SULT1B1: variants seen among roughly 807,000 people sequenced by gnomAD.
The protein encoded by SULT1B1 is sulfotransferase family 1B member 1, also known as sulfotransferase 1B1.
SULT1B1 carries 28 observed loss-of-function variants against 34.6 expected under a neutral mutation model. The observed-to-expected ratio is 0.81, with a 90% CI of 0.60 to 1.11. The LOEUF (loss-of-function observed/expected upper bound fraction) is 1.11, where lower values mean the gene tolerates loss of function less well. Ranked by LOEUF, SULT1B1 falls within the 50% of genes least tolerant of loss-of-function variation. The pLI, the probability that SULT1B1 is intolerant of heterozygous loss-of-function variation, is 0.00. For missense variants in SULT1B1, 374 were observed against 352.2 expected (o/e 1.06, Z -0.50); for synonymous variants, 147 against 110.2 (o/e 1.33, Z -2.09).
chr4:69,746,592 C>G (rs1042672379), intron 4 of SULT1B1, among the ~76,000 whole-genome samples: 5 of 152,046 alleles, frequency 3.3e-5, no homozygotes, highest in Admixed American at 1.3e-4. Context: ...TGTTTTCTTT[C>G]TGCTCTTTAT....
In SULT1B1 at chr4:69,749,794, G is replaced by A. The variant is rs1198812483; in HGVS notation, c.302C>T (p.Pro101Leu). The A allele has an allele frequency of 6.2e-7, 1 of 1,613,424 alleles. No homozygotes were observed. The highest frequency in any genetic ancestry group is 1.1e-5 in the South Asian group (1 of 91,064). Residue 101 changes from proline to leucine, a missense_variant, in exon 4 of 8, where the codon CCA (proline) becomes CTA (leucine). Physicochemically the swap from Pro to Leu is moderately conservative, Grantham distance 98 (BLOSUM62 -3). Transcript: ENST00000310613. ...ATGTGTTTTCACAATCCGGGGTGAT[G>A]GATTCTTCTCCAATTGTTCTATACC... ...TSGIEQLEKN[P>L]SPRIVKTHLP...
chr4:69,743,036 C>G (rs1371155868), intron 4 of SULT1B1, among the ~76,000 whole-genome samples: 1 of 152,204 alleles, frequency 6.6e-6, no homozygotes, highest in African/African-American at 2.4e-5. Context: ...GCTCAGGGAG[C>G]TCCTAGGTTT....
chr4:69,748,121 T>C (rs1442128677), intron 4 of SULT1B1, among the ~76,000 whole-genome samples: 1 of 152,104 alleles, frequency 6.6e-6, no homozygotes, highest in African/African-American at 2.4e-5. Context: ...AACTTAGCTG[T>C]ATGCTGTTCA....
intron 3 of SULT1B1, among the ~76,000 whole-genome samples, chr4:69,752,514 C>T (rs1450739261): frequency 1.3e-5 from 2 of 152,104 alleles, no homozygotes; most frequent in Non-Finnish European, 2.9e-5. Context: ...ATATTAAACT[C>T]CTTTTGTTAT....
rs1319488976 is a variant in SULT1B1, at chr4:69,722,814, A to T, written c.*4274T>A. 1 of 152,116 alleles carries T rather than the reference A, an allele frequency of 6.6e-6. No individual in the cohort carries two copies. Among genetic ancestry groups the T allele is most frequent in the Middle Eastern group, 3.2e-3 (1 of 316 alleles). The allele number at this position is 152,116 out of a possible 1,614,324, so 9.4% of individuals were successfully genotyped here. A position where few individuals can be genotyped will look rare whatever the true frequency, so the allele number is the denominator to read the frequency against. ...AAATACGATAAGCCATAGCTACCTC[A>T]GTTGTGGCTCAGAAAGTCTAACAGT... On this transcript the variant is annotated 3_prime_UTR_variant, in exon 8 of 8. Transcript: ENST00000310613.
chr4:69,740,613 T>C (rs1357690730), intron 4 of SULT1B1, among the ~76,000 whole-genome samples: 1 of 152,234 alleles, frequency 6.6e-6, no homozygotes, highest in African/African-American at 2.4e-5. Flanking sequence ...CTACTGTGAC[T>C]AGTGCTATGA....
At chr4:69,739,100 G>C (rs565770253) in intron 4 of SULT1B1, among the ~76,000 whole-genome samples, 2 of 152,178 alleles carry the variant, frequency 1.3e-5, no homozygotes, top group Non-Finnish European at 2.9e-5. Context: ...TTCACAGCTG[G>C]TGTTGAGTGT....
intron 2 of SULT1B1, 67 bp from the exon 3 acceptor site, chr4:69,754,865 T>C: frequency 1.3e-6 from 2 of 1,537,396 alleles, no homozygotes; most frequent in East Asian, 2.3e-5. Flanking sequence ...AAGAATTTAT[T>C]GGAAACACTA....
rs1205934517 is a variant in SULT1B1, at chr4:69,722,791, A to C, written c.*4297T>G. On this transcript the variant is annotated 3_prime_UTR_variant, in exon 8 of 8. Coordinates refer to ENST00000310613, the MANE Select transcript of SULT1B1 (RefSeq NM_014465.4). ...GCGGAGATTCACCTGTGAAGTCAAA[A>C]TACGATAAGCCATAGCTACCTCAGT... 2 of 152,060 alleles carry C rather than the reference A, an allele frequency of 1.3e-5. No individual in the cohort carries two copies. Among genetic ancestry groups the C allele is most frequent in the African/African-American group, 4.8e-5 (2 of 41,406 alleles). The allele number at this position is 152,060 out of a possible 1,614,324, so 9.4% of individuals were successfully genotyped here.
rs1407542365 is a variant in SULT1B1 at position 69,760,552 on chromosome 4, T to TG, written c.-139dup. The stretch of plus-strand genomic sequence containing the variant: ...AAACGGTGGTGGTTCTGGCAGGCAA[T>TG]GGGGAGCACAGGAAGGCTCCTGGCA... On this transcript the variant is annotated 5_prime_UTR_variant, in exon 1 of 8. Coordinates refer to ENST00000310613, the MANE Select transcript of SULT1B1 (RefSeq NM_014465.4). The TG allele has an allele frequency of 6.6e-6, 1 of 151,922 alleles. No homozygotes were observed. Among genetic ancestry groups the TG allele is most frequent in the Non-Finnish European group, 1.5e-5 (1 of 68,016 alleles). 9.4% of individuals were successfully genotyped at this position (151,922 alleles called of 1,614,324 possible).
intron 1 of SULT1B1, among the ~76,000 whole-genome samples, chr4:69,756,992 C>T (rs1056983159): frequency 1.3e-5 from 2 of 151,794 alleles, no homozygotes; most frequent in African/African-American, 4.8e-5. Flanking sequence ...CACACACACA[C>T]ACACACAAAG....
At chr4:69,750,170 A>G (rs4149412) in intron 3 of SULT1B1, among the ~76,000 whole-genome samples, 7,064 of 152,276 alleles carry the variant, frequency 0.046, 232 homozygotes, top group East Asian at 0.092. Context: ...GTGCATTGCT[A>G]TAAATGACTA....
intron 4 of SULT1B1, among the ~76,000 whole-genome samples, chr4:69,748,223 T>C (rs1287285474): frequency 6.6e-6 from 1 of 151,972 alleles, no homozygotes; most frequent in East Asian, 1.9e-4. Context: ...CAGTAAAAAC[T>C]AGGAGTGGCT....
At chr4:69,741,836 A>G (rs1287487100) in intron 4 of SULT1B1, among the ~76,000 whole-genome samples, 1 of 152,192 alleles carries the variant, frequency 6.6e-6, no homozygotes, top group Non-Finnish European at 1.5e-5. Context: ...AAGAGAAATA[A>G]TGTGACTTCC....
chr4:69,721,383 G>A lies in SULT1B1; in HGVS notation c.*5705C>T, dbSNP rs182976598. 3.5e-4 allele frequency: 53 copies of A among 151,892 alleles called. No homozygotes were observed. The East Asian group carries it at 5.6e-3, about 16-fold the overall frequency. The allele number at this position is 151,892 out of a possible 1,614,324, so 9.4% of individuals were successfully genotyped here. A position where few individuals can be genotyped will look rare whatever the true frequency, so the allele number is the denominator to read the frequency against. ...ACCACCAGTATCTCTCTTTTTCCCC[G>A]GCCTTTCCCAGTTATCTGAAGATTG... On this transcript the variant is annotated 3_prime_UTR_variant, in exon 8 of 8. Coordinates refer to ENST00000310613, the MANE Select transcript of SULT1B1 (RefSeq NM_014465.4).
intron 4 of SULT1B1, among the ~76,000 whole-genome samples, chr4:69,747,926 C>T (rs1340083829): frequency 2.6e-5 from 4 of 152,072 alleles, no homozygotes; most frequent in Non-Finnish European, 4.4e-5. Flanking sequence ...ACCCTTAATG[C>T]CTTTTATCCA....
chr4:69,728,587 A>G (rs917533035), intron 7 of SULT1B1, among the ~76,000 whole-genome samples: 2 of 151,970 alleles, frequency 1.3e-5, no homozygotes, highest in Non-Finnish European at 2.9e-5. Context: ...AAGTTTTTCT[A>G]TATGCAAATT....
intron 4 of SULT1B1, among the ~76,000 whole-genome samples, chr4:69,742,101 A>G (rs1236508769): frequency 6.6e-6 from 1 of 152,316 alleles, no homozygotes; most frequent in African/African-American, 2.4e-5. Flanking sequence ...AGTTTTATCA[A>G]AAGCCTTTTT....
chr4:69,726,605 C>G lies in SULT1B1; in HGVS notation c.*483G>C, dbSNP rs918349590. 3.9e-5 allele frequency: 6 copies of G among 152,060 alleles called. No individual in the cohort carries two copies. The highest frequency in any genetic ancestry group is 1.4e-4 in the African/African-American group (6 of 41,418). The allele number at this position is 152,060 out of a possible 1,614,324, so 9.4% of individuals were successfully genotyped here. A position where few individuals can be genotyped will look rare whatever the true frequency, so the allele number is the denominator to read the frequency against. ...GGCACTGCAGGAAGATGAGCTATGA[C>G]TCAGAGAACAACTTGAAACTCGGTA... On this transcript the variant is annotated 3_prime_UTR_variant, in exon 8 of 8. Transcript: ENST00000310613.
Sources: allele counts gnomAD v4.1 joint callset (sites outside exome capture counted in the v4.1 genomes callset), GRCh38; gene constraint gnomAD v4.1.1; transcripts MANE v1.5; gene names NCBI Gene and HGNC (gene_info 2026-07-23, HGNC 2026-07-21).